ATP2B2: variants seen among roughly 807,000 people sequenced by gnomAD.
ATP2B2 encodes plasma membrane calcium-transporting ATPase 2.
A neutral mutation model predicts 120.0 loss-of-function variants in ATP2B2; 15 were observed. The observed-to-expected ratio is 0.12, with a 90% CI of 0.08 to 0.19. The LOEUF (loss-of-function observed/expected upper bound fraction) is 0.19, where lower values mean the gene tolerates loss of function less well. ATP2B2 is among the 10% of genes least tolerant of loss of function. ATP2B2 has a pLI of 1.00. For synonymous variants in ATP2B2, 694 were observed against 700.3 expected, an observed-to-expected ratio of 0.99 and a Z score of 0.14; for missense variants, 1,045 against 1,719.8, an observed-to-expected ratio of 0.61 and a Z score of 6.94.
chr3:10,565,819 G>C (rs2067998076), intron 2 of ATP2B2, among the ~76,000 whole-genome samples: 1 of 152,190 alleles, frequency 6.6e-6, no homozygotes, highest in Admixed American at 6.5e-5. Context: ...TCTGGAGTTA[G>C]AGTGGCTGAG....
rs1049050465 is a variant in ATP2B2 at position 10,402,242 on chromosome 3, C to G, written c.504G>C (p.Thr168=). ...TCTCTTTGCTCCAGTCATTGAAGGC[C>G]GTGACCAGGACCACACAGATAACTG... ...LLSVICVVLV[T]AFNDWSKEKQ... is the part of the protein sequence containing the mutation. The change falls in exon 4 of 23, where the codon ACG becomes ACC. Residue 168 remains threonine (T), a synonymous_variant. Coordinates refer to ENST00000360273, the MANE Select transcript of ATP2B2 (RefSeq NM_001001331.4). The surrounding 1 kb of genome is among the most constrained non-coding windows in gnomAD (Gnocchi z 4.9). The G allele has an allele frequency of 1.2e-6, 2 of 1,614,196 alleles. No homozygotes were observed. The highest frequency in any genetic ancestry group is 1.1e-5 in the South Asian group (1 of 91,086).
chr3:10,420,164 C>T (rs910342186), intron 2 of ATP2B2, among the ~76,000 whole-genome samples: 22 of 152,176 alleles, frequency 1.4e-4, no homozygotes, highest in Admixed American at 1.1e-3. Context: ...GAGGGCACCA[C>T]GTGCTTCATA....
At chr3:10,684,050 T>C (rs1320173898) in intron 1 of ATP2B2, among the ~76,000 whole-genome samples, 1 of 152,046 alleles carries the variant, frequency 6.6e-6, no homozygotes, top group Non-Finnish European at 1.5e-5. Flanking sequence ...TCCCATCCAA[T>C]GGGGCTTGAG....
At chr3:10,559,278 G>A (rs970360580) in intron 2 of ATP2B2, among the ~76,000 whole-genome samples, 14 of 152,142 alleles carry the variant, frequency 9.2e-5, no homozygotes, top group African/African-American at 3.4e-4. Context: ...GATGGGGAGA[G>A]GTTAGTTAAT....
chr3:10,674,023 T>C lies in ATP2B2; in HGVS notation c.-460+33892A>G, dbSNP rs1482378133. Among the ~76,000 whole-genome samples the C allele has an allele frequency of 2.0e-5, 3 of 151,530 alleles. No homozygotes were observed. In the East Asian group the frequency reaches 5.8e-4, roughly 29 times the overall value. On this transcript the variant is annotated intron_variant, in intron 1 of 21. Coordinates refer to the ATP2B2 transcript ENST00000646379. ...AAAAAAAAGAAGCCAATATTAAGCTTTGGGGCAGGCAGATCCAGGTTTCAA... is the reference window on the plus strand; with the variant it reads ...AAAAAAAAGAAGCCAATATTAAGCTCTGGGGCAGGCAGATCCAGGTTTCAA...
At chr3:10,514,938 C>T (rs1015775658) in intron 3 of ATP2B2, among the ~76,000 whole-genome samples, 9 of 152,308 alleles carry the variant, frequency 5.9e-5, no homozygotes, top group Admixed American at 2.6e-4. Context: ...CGCAGTGGGC[C>T]GGGAGAGTGC....
At chr3:10,372,925 G>A (rs2061283995) in intron 11 of ATP2B2, among the ~76,000 whole-genome samples, 1 of 152,204 alleles carries the variant, frequency 6.6e-6, no homozygotes, top group Non-Finnish European at 1.5e-5. Context: ...AGCTGAATCA[G>A]ATGGAGTTCT....
chr3:10,687,191 T>TGTG (rs2071544477), intron 1 of ATP2B2, among the ~76,000 whole-genome samples: 2 of 152,230 alleles, frequency 1.3e-5, no homozygotes, highest in South Asian at 4.1e-4. Context: ...CTTGCTGCCT[T>TGTG]GGGTAGCCAC....
chr3:10,350,248 A>G (rs1574979519), intron 15 of ATP2B2, 49 bp from the exon 16 acceptor site: 1 of 1,584,504 alleles, frequency 6.3e-7, no homozygotes, highest in Non-Finnish European at 8.6e-7. Flanking sequence ...GGGGAGAGAA[A>G]CTGAGGCCTG....
Position 10,358,882 on chromosome 3 carries a change from G to C in ATP2B2, c.1945C>G (p.Arg649Gly), listed in dbSNP as rs759212037. ...ACCATCTCGTCCCGGTCGCGGGGCCGGAAGACACGAGGCTCTCCCGCCCCA... is the reference window on the plus strand; with the variant it reads ...ACCATCTCGTCCCGGTCGCGGGGCCCGAAGACACGAGGCTCTCCCGCCCCA... ...LNGAGEPRVF[R>G]PRDRDEMVKK... Residue 649 changes from arginine to glycine, a missense_variant, in exon 14 of 23, where the codon CGG (arginine) becomes GGG (glycine). This residue lies in a region of ATP2B2 where 343 missense variants were observed against 536.8 expected (regional missense o/e 0.64). Coordinates refer to ENST00000360273, the MANE Select transcript of ATP2B2 (RefSeq NM_001001331.4). The C allele has an allele frequency of 1.2e-6, 2 of 1,614,018 alleles. No individual in the cohort carries two copies. The highest frequency in any genetic ancestry group is 2.7e-5 in the African/African-American group (2 of 75,036).
chr3:10,387,316 C>A (rs2061709047), intron 6 of ATP2B2, among the ~76,000 whole-genome samples: 1 of 152,240 alleles, frequency 6.6e-6, no homozygotes, highest in African/African-American at 2.4e-5. Context: ...CCTTCAGGAA[C>A]AAGTAATCTT....
chr3:10,486,324 C>CGTGTGTGCGTGCGT (rs763360449), intron 1 of ATP2B2, among the ~76,000 whole-genome samples: 3 of 117,088 alleles, frequency 2.6e-5, no homozygotes, highest in African/African-American at 8.0e-5. Context: ...TGTGTGCGTG[C>CGTGTGTGCGTGCGT]GTGTGTGTGT....
In ATP2B2 at chr3:10,497,519, C is replaced by T. The variant is rs1575412469; in HGVS notation, c.-320+7946G>A. Among the ~76,000 whole-genome samples the T allele has an allele frequency of 2.6e-5, 4 of 152,228 alleles. No individual in the cohort carries two copies. In the East Asian group the frequency reaches 5.8e-4, roughly 22 times the overall value. ...AAGTTCATCAAATAATAATTGCTTA[C>T]ACTTCTGCCAAGGGCTGTCCTAAGC... On this transcript the variant is annotated intron_variant, in intron 1 of 22. Coordinates refer to ENST00000360273, the MANE Select transcript of ATP2B2 (RefSeq NM_001001331.4).
At chr3:10,394,338 A>G (rs1403144404) in intron 5 of ATP2B2, among the ~76,000 whole-genome samples, 3 of 152,106 alleles carry the variant, frequency 2.0e-5, no homozygotes, top group Non-Finnish European at 2.9e-5. Flanking sequence ...AGCACGAGGC[A>G]GTAGGCAAAG....
intron 2 of ATP2B2, among the ~76,000 whole-genome samples, chr3:10,584,547 C>T (rs1415763030): frequency 6.6e-6 from 1 of 152,110 alleles, no homozygotes; most frequent in Non-Finnish European, 1.5e-5. Flanking sequence ...GGTCACAGTC[C>T]CGAATGTCCA....
chr3:10,420,647 C>G (rs1449761159), intron 2 of ATP2B2, among the ~76,000 whole-genome samples: 1 of 152,238 alleles, frequency 6.6e-6, no homozygotes, highest in Admixed American at 6.5e-5. Flanking sequence ...CAGGTATGAG[C>G]CACCACGCCC....
chr3:10,618,590 C>T (rs1186234730), intron 2 of ATP2B2, among the ~76,000 whole-genome samples: 1 of 152,132 alleles, frequency 6.6e-6, no homozygotes, highest in Non-Finnish European at 1.5e-5. Flanking sequence ...ATGCTTCGCC[C>T]CTGCCAGCTC....
chr3:10,453,298 C>T (rs1410233361), intron 1 of ATP2B2, among the ~76,000 whole-genome samples: 1 of 152,168 alleles, frequency 6.6e-6, no homozygotes, highest in African/African-American at 2.4e-5. Flanking sequence ...TGAGTTATTT[C>T]GTTTAAAATA....
At chr3:10,660,793 G>GAA (rs2070758803) in intron 1 of ATP2B2, among the ~76,000 whole-genome samples, 1 of 152,030 alleles carries the variant, frequency 6.6e-6, no homozygotes, top group South Asian at 2.1e-4. Flanking sequence ...AGACACAACA[G>GAA]AAAAAGAGAA....
Sources: allele counts gnomAD v4.1 joint callset (sites outside exome capture counted in the v4.1 genomes callset), GRCh38; gene constraint gnomAD v4.1.1; regional missense constraint gnomAD v4.1.1; non-coding constraint Gnocchi (gnomAD v3.1); transcripts MANE v1.5; gene names NCBI Gene and HGNC (gene_info 2026-07-23, HGNC 2026-07-21).